ANO5: variants seen among roughly 807,000 people sequenced by gnomAD.
ANO5 encodes the protein anoctamin-5.
In ANO5, 109 loss-of-function variants were observed where a neutral mutation model predicts 121.0. The ratio of observed to expected loss-of-function variants is 0.90; its 90% CI spans 0.77 to 1.06. ANO5 has a LOEUF of 1.06. Ranked by LOEUF, ANO5 falls within the 50% of genes least tolerant of loss-of-function variation. The pLI is 0.00. For missense variants in ANO5, 1,064 were observed against 1,078.5 expected (o/e 0.99, Z 0.19); for synonymous variants, 406 against 359.9 (o/e 1.13, Z -1.45).
chr11:22,257,622 G>A (rs1854044566), intron 13 of ANO5, 58 bp from the exon 14 acceptor site: 9 of 1,380,468 alleles, frequency 6.5e-6, no homozygotes, highest in South Asian at 1.2e-5. Flanking sequence ...ACTAGTGCTT[G>A]GAGTCTTGAC....
At chr11:22,200,816 T>G (rs1851943685) in intron 1 of ANO5, among the ~76,000 whole-genome samples, 1 of 152,186 alleles carries the variant, frequency 6.6e-6, no homozygotes. Context: ...TGATGGGGGA[T>G]GGCAGACAGT....
intron 1 of ANO5, among the ~76,000 whole-genome samples, chr11:22,201,225 A>G (rs946902801): frequency 6.6e-6 from 1 of 152,140 alleles, no homozygotes; most frequent in African/African-American, 2.4e-5. Flanking sequence ...CGCTCATTCA[A>G]TTTTTCAATA....
intron 7 of ANO5, among the ~76,000 whole-genome samples, chr11:22,232,142 T>C (rs1285344886): frequency 6.6e-6 from 1 of 152,056 alleles, no homozygotes; most frequent in Non-Finnish European, 1.5e-5. Context: ...TTGTTGGTAG[T>C]CTGGCTTCTT....
rs371393110 is a variant in ANO5, at chr11:22,213,862, A to G, written c.138+2548A>G. The stretch of plus-strand genomic sequence containing the variant: ...TTTATTTTCTTGCTCAAATTGTTCT[A>G]GCTTTGGCTATTGGAAGTGGTGTTT... On this transcript the variant is annotated intron_variant, in intron 3 of 21. Transcript: ENST00000324559. Among the ~76,000 whole-genome samples the G allele has an allele frequency of 3.3e-5, 5 of 151,540 alleles. No homozygotes were observed. In the East Asian group the frequency reaches 5.9e-4, roughly 18 times the overall value.
chr11:22,246,001 C>T (rs1231149883), intron 9 of ANO5, among the ~76,000 whole-genome samples: 1 of 152,076 alleles, frequency 6.6e-6, no homozygotes, highest in Non-Finnish European at 1.5e-5. Context: ...CCTGAAGCTT[C>T]CTGTGAGTCT....
rs1854755323 is a variant in ANO5, at chr11:22,274,511, C to A, written c.2236-58C>A. Reference sequence around the variant, plus strand: ...GGTACTGAGAGATGTACAAATCAGACATTATTAAAACTAAATTGGCAGCTG... The same window carrying A: ...GGTACTGAGAGATGTACAAATCAGAAATTATTAAAACTAAATTGGCAGCTG... On this transcript the variant is annotated intron_variant, in intron 19 of 21. Coordinates refer to ENST00000324559, the MANE Select transcript of ANO5 (RefSeq NM_213599.3). The A allele has an allele frequency of 2.8e-6, 4 of 1,452,394 alleles. No homozygotes were observed. In the South Asian group the frequency reaches 4.0e-5, roughly 15 times the overall value. The allele number at this position is 1,452,394 out of a possible 1,614,324, so 90.0% of individuals were successfully genotyped here. A position where few individuals can be genotyped will look rare whatever the true frequency, so the allele number is the denominator to read the frequency against.
chr11:22,274,432 C>T, intron 19 of ANO5, 137 bp from the exon 20 acceptor site: 1 of 814,040 alleles, frequency 1.2e-6, no homozygotes, highest in Non-Finnish European at 1.9e-6. Context: ...CAAAGACTTG[C>T]ATATTACTAT....
At chr11:22,277,829 T>G (rs1349219897) in intron 21 of ANO5, 7 of 151,526 alleles carry the variant, frequency 4.6e-5, no homozygotes, top group Non-Finnish European at 4.4e-5. Context: ...CATCTTGTCT[T>G]CTATTGAAGA....
chr11:22,259,424 T>C, intron 14 of ANO5, 95 bp from the exon 15 acceptor site: 3 of 1,300,120 alleles, frequency 2.3e-6, no homozygotes, highest in Non-Finnish European at 3.3e-6. Context: ...CTAAACTTCA[T>C]ATAATGAGAT....
Position 22,218,297 on chromosome 11 carries a change from G to A in ANO5, c.180+10G>A. 1 of 1,613,286 alleles carries A rather than the reference G, an allele frequency of 6.2e-7. No homozygotes were observed. The highest frequency in any genetic ancestry group is 1.3e-5 in the African/African-American group (1 of 74,962). On this transcript the variant is annotated intron_variant, in intron 4 of 21. Coordinates refer to ENST00000324559, the MANE Select transcript of ANO5 (RefSeq NM_213599.3). ...GAGGCGGCGGCTTATGGTAAAACCA[G>A]TGCTGAATGATGCTGCTTATGCTCT...
chr11:22,275,030 T>G (rs769305359), intron 20 of ANO5, among the ~76,000 whole-genome samples: 6 of 151,972 alleles, frequency 3.9e-5, no homozygotes, highest in Admixed American at 6.6e-5. Context: ...TTCTAATGTA[T>G]CAAAAGGATT....
chr11:22,259,882 T>C (rs1854136046), intron 15 of ANO5, 141 bp downstream of exon 15: 1 of 836,742 alleles, frequency 1.2e-6, no homozygotes, highest in Admixed American at 2.1e-5. Flanking sequence ...GACCCATATC[T>C]GCTATTTCAA....
At chr11:22,229,501 T>G (rs1852963518) in intron 7 of ANO5, among the ~76,000 whole-genome samples, 1 of 151,972 alleles carries the variant, frequency 6.6e-6, no homozygotes, top group African/African-American at 2.4e-5. Context: ...GAAGACCTTA[T>G]TTCAAGTCGT....
At chr11:22,241,092 C>T (rs183882472) in intron 9 of ANO5, among the ~76,000 whole-genome samples, 8 of 151,566 alleles carry the variant, frequency 5.3e-5, no homozygotes, top group East Asian at 3.9e-4. Context: ...GTATATTGCA[C>T]GATGCTGAGG....
intron 12 of ANO5, among the ~76,000 whole-genome samples, chr11:22,252,692 T>A (rs1853867815): frequency 6.6e-6 from 1 of 152,216 alleles, no homozygotes; most frequent in Non-Finnish European, 1.5e-5. Context: ...TTACTGGTCA[T>A]AAAACTTTCC....
At chr11:22,262,444 A>T (rs549378806) in intron 16 of ANO5, 146 bp downstream of exon 16, 1 of 847,884 alleles carries the variant, frequency 1.2e-6, no homozygotes, top group South Asian at 1.8e-5. Context: ...TTGTTCACAG[A>T]TGAATCCTGT....
rs1854997670 is a variant in ANO5, at chr11:22,279,604, G to A, written c.2581G>A (p.Val861Ile). Residue 861 changes from valine (V) to isoleucine (I), a missense_variant, in exon 22 of 22, where the codon GTT becomes ATT. Transcript: ENST00000324559. ...AWMIPDVPKD[V>I]VERIKREKLM... ...GATGATACCTGATGTTCCAAAAGATGTTGTGGAGAGAATCAAGAGAGAAAA... is the reference window on the plus strand; with the variant it reads ...GATGATACCTGATGTTCCAAAAGATATTGTGGAGAGAATCAAGAGAGAAAA... The A allele has an allele frequency of 6.2e-7, 1 of 1,612,982 alleles. No individual in the cohort carries two copies. Among genetic ancestry groups the A allele is most frequent in the Non-Finnish European group, 8.5e-7 (1 of 1,179,194 alleles).
chr11:22,202,238 A>G (rs931406895), intron 1 of ANO5, among the ~76,000 whole-genome samples: 1 of 152,088 alleles, frequency 6.6e-6, no homozygotes, highest in African/African-American at 2.4e-5. Flanking sequence ...GCCTCGTTTT[A>G]ACCAATGTAC....
intron 5 of ANO5, 139 bp downstream of exon 5, chr11:22,221,349 G>GT: frequency 1.4e-6 from 1 of 732,484 alleles, no homozygotes; most frequent in Middle Eastern, 3.7e-4. Flanking sequence ...TGAGATAACT[G>GT]TAAAGTAGGC....
Sources: allele counts gnomAD v4.1 joint callset (sites outside exome capture counted in the v4.1 genomes callset), GRCh38; gene constraint gnomAD v4.1.1; transcripts MANE v1.5; gene names NCBI Gene and HGNC (gene_info 2026-07-23, HGNC 2026-07-21).